ARFRP1: variants seen among roughly 807,000 people sequenced by gnomAD.
ARFRP1 encodes the protein ARF related protein 1, also known as ADP-ribosylation factor-related protein 1.
In ARFRP1, 19 loss-of-function variants were observed where a neutral mutation model predicts 30.3. That is an observed-to-expected ratio of 0.63 (90% CI 0.44 to 0.92). The LOEUF is 0.92. ARFRP1 is among the 40% of genes least tolerant of loss of function. The pLI is 0.00. For synonymous variants in ARFRP1, 133 were observed against 114.2 expected, an observed-to-expected ratio of 1.16 and a Z score of -1.05; for missense variants, 245 against 267.5, an observed-to-expected ratio of 0.92 and a Z score of 0.59.
chr20:63,706,862 G>C, intron 2 of ARFRP1, 124 bp from the exon 3 acceptor site: 1 of 1,258,078 alleles, frequency 7.9e-7, no homozygotes, highest in Non-Finnish European at 1.2e-6. Flanking sequence ...CTCTTCAGGA[G>C]GCTGGTGGTG....
chr20:63,706,981 A>G lies in ARFRP1; in HGVS notation c.93+18T>C, dbSNP rs1446534346. 1 of 1,612,944 alleles carries G rather than the reference A, an allele frequency of 6.2e-7. No individual in the cohort carries two copies. Among genetic ancestry groups the G allele is most frequent in the Non-Finnish European group, 8.5e-7 (1 of 1,179,606 alleles). Reference sequence around the variant, plus strand: ...GCCAGGCCGTGGGAAAGGTGCGCGCAAGGGCGTGGGCACTCACCGTCTTCC... The same window carrying G: ...GCCAGGCCGTGGGAAAGGTGCGCGCGAGGGCGTGGGCACTCACCGTCTTCC... On this transcript the variant is annotated intron_variant, in intron 2 of 7. Transcript: ENST00000622789.
In ARFRP1 at chr20:63,700,286, C is replaced by T; in HGVS notation, c.*157G>A. The stretch of plus-strand genomic sequence containing the variant: ...AAGCCTCCGGATGCCTACGCTTTTC[C>T]AGACATAGAGGAAAGTTTGTCTTCG... On this transcript the variant is annotated 3_prime_UTR_variant, in exon 8 of 8. Coordinates refer to ENST00000622789, the MANE Select transcript of ARFRP1 (RefSeq NM_001267547.3). 5 of 1,162,986 alleles carry T rather than the reference C, an allele frequency of 4.3e-6. No homozygotes were observed. Among genetic ancestry groups the T allele is most frequent in the Non-Finnish European group, 6.0e-6 (5 of 837,552 alleles). 72.0% of individuals were successfully genotyped at this position (1,162,986 alleles called of 1,614,324 possible). A position where few individuals can be genotyped will look rare whatever the true frequency, so the allele number is the denominator to read the frequency against.
intron 4 of ARFRP1, chr20:63,705,485 G>A (rs547081863): frequency 2.6e-4 from 107 of 417,218 alleles, no homozygotes; most frequent in African/African-American, 2.2e-3. Context: ...GAGATAAACT[G>A]CAGCCTTGGG....
intron 5 of ARFRP1, 98 bp from the exon 6 acceptor site, chr20:63,701,998 G>GGGGGGGGCCCCCCCCCCCCCCCCCC: frequency 1.7e-6 from 1 of 583,914 alleles, no homozygotes; most frequent in Non-Finnish European, 2.6e-6. Context: ...CACTCCCTCT[G>GGGGGGGGCCCCCCCCCCCCCCCCCC]CCCCCCCCCC....
chr20:63,698,657 C>CTTA lies in ARFRP1; in HGVS notation c.*1783_*1785dup, dbSNP rs777789732. 4.5e-6 allele frequency: 6 copies of CTTA among 1,319,344 alleles called. No homozygotes were observed. The highest frequency in any genetic ancestry group is 5.9e-6 in the Non-Finnish European group (6 of 1,015,506). The allele number at this position is 1,319,344 out of a possible 1,614,324, so 81.7% of individuals were successfully genotyped here. ...ATAGAAGAAATGAGGTTTCTTAAAG[C>CTTA]TTATTTTTATAAAGCTTTTTCATAA... On this transcript the variant is annotated 3_prime_UTR_variant, in exon 8 of 8. Coordinates refer to ENST00000622789, the MANE Select transcript of ARFRP1 (RefSeq NM_001267547.3).
At position 63,699,967 on chromosome 20, in the gene ARFRP1, C is replaced by T; in HGVS notation, c.*476G>A. 5.0e-6 allele frequency: 1 copy of T among 200,872 alleles called. No individual in the cohort carries two copies. The highest frequency in any genetic ancestry group is 1.0e-5 in the Non-Finnish European group (1 of 96,644). The allele number at this position is 200,872 out of a possible 1,614,324, so 12.4% of individuals were successfully genotyped here. ...GCCTGGGTCTTCCTCAAGGCAAGAT[C>T]AGCCCCAGACCACTTCCGGGGTCAC... is the stretch of plus-strand genomic sequence containing the variant. On this transcript the variant is annotated 3_prime_UTR_variant, in exon 8 of 8. Transcript: ENST00000622789.
In ARFRP1 at chr20:63,700,232, G is replaced by T; in HGVS notation, c.*211C>A. 1.4e-6 allele frequency: 1 copy of T among 695,194 alleles called. No individual in the cohort carries two copies. The highest frequency in any genetic ancestry group is 2.3e-6 in the Non-Finnish European group (1 of 428,718). 43.1% of individuals were successfully genotyped at this position (695,194 alleles called of 1,614,324 possible). A position where few individuals can be genotyped will look rare whatever the true frequency, so the allele number is the denominator to read the frequency against. ...GGAAAGGCTGCCGCTGCAGGGCCTG[G>T]GCCAGCCGGGCTGCCAGACTCCCCT... is the stretch of plus-strand genomic sequence containing the variant. On this transcript the variant is annotated 3_prime_UTR_variant, in exon 8 of 8. Transcript: ENST00000622789.
At chr20:63,706,541 A>AGTCTC in intron 3 of ARFRP1, 102 bp from the exon 4 acceptor site, 1 of 1,524,958 alleles carries the variant, frequency 6.6e-7, no homozygotes, top group Non-Finnish European at 9.1e-7. Flanking sequence ...GTGCCACTCA[A>AGTCTC]ATGAGACTTG....
At chr20:63,702,350 C>T in intron 4 of ARFRP1, 133 bp from the exon 5 acceptor site, 1 of 807,952 alleles carries the variant, frequency 1.2e-6, no homozygotes, top group South Asian at 1.7e-5. Context: ...ACTGCAAGAC[C>T]CTTCTGGGAT....
chr20:63,700,531 C>T lies in ARFRP1; in HGVS notation c.519-1G>A. ...CTCGATGCCCTCGCGCACCCCTTTG[C>T]TGTGAAGACAGCGGGTGTGAGGCGG... On this transcript the variant is annotated splice_acceptor_variant, in intron 7 of 7. Transcript: ENST00000622789. LOFTEE classifies it high-confidence loss of function. 1 of 1,610,922 alleles carries T rather than the reference C, an allele frequency of 6.2e-7. No homozygotes were observed. Among genetic ancestry groups the T allele is most frequent in the South Asian group, 1.1e-5 (1 of 91,018 alleles).
Position 63,701,630 on chromosome 20 carries a change from A to C in ARFRP1, c.417+200T>G, listed in dbSNP as rs552019761. ...CTGGGCGCCTGCCCTGAGGTGGGAG[A>C]ACCTCCAGGGCTGGCAGCAGCAGGT... On this transcript the variant is annotated intron_variant, in intron 6 of 7. Transcript: ENST00000622789. 32 of 603,788 alleles carry C rather than the reference A, an allele frequency of 5.3e-5. No individual in the cohort carries two copies. The East Asian group carries it at 8.8e-4, about 17-fold the overall frequency. The allele number at this position is 603,788 out of a possible 1,614,324, so 37.4% of individuals were successfully genotyped here.
chr20:63,703,068 C>A (rs935183052), intron 4 of ARFRP1: 4 of 152,298 alleles, frequency 2.6e-5, no homozygotes, highest in Non-Finnish European at 5.9e-5. Context: ...AAAAACACAG[C>A]AAACTCCGCG....
chr20:63,700,222 G>A lies in ARFRP1; in HGVS notation c.*221C>T, dbSNP rs1050389257. On this transcript the variant is annotated 3_prime_UTR_variant, in exon 8 of 8. Transcript: ENST00000622789. ...TGCGCCCTGTGGAAAGGCTGCCGCT[G>A]CAGGGCCTGGGCCAGCCGGGCTGCC... 5.8e-5 allele frequency: 37 copies of A among 638,246 alleles called. No individual in the cohort carries two copies. The highest frequency in any genetic ancestry group is 9.5e-5 in the Non-Finnish European group (36 of 380,856). 39.5% of individuals were successfully genotyped at this position (638,246 alleles called of 1,614,324 possible). A position where few individuals can be genotyped will look rare whatever the true frequency, so the allele number is the denominator to read the frequency against.
chr20:63,700,730 GC>G lies in ARFRP1; in HGVS notation c.418-29del. 2.5e-6 allele frequency: 4 copies of G among 1,605,356 alleles called. 1 individual carries two copies. The South Asian group carries it at 3.3e-5, about 13-fold the overall frequency. On this transcript the variant is annotated intron_variant, in intron 6 of 7. Coordinates refer to ENST00000622789, the MANE Select transcript of ARFRP1 (RefSeq NM_001267547.3). The stretch of plus-strand genomic sequence containing the variant: ...GGGGGAGGTAAGGCCGTGAGGAGCA[GC>G]CCCCACGTCTGGCCCTGTCCTGCCT...
chr20:63,698,656 G>T lies in ARFRP1; in HGVS notation c.*1787C>A. 1 of 1,322,816 alleles carries T rather than the reference G, an allele frequency of 7.6e-7. No homozygotes were observed. The highest frequency in any genetic ancestry group is 9.8e-7 in the Non-Finnish European group (1 of 1,018,192). The allele number at this position is 1,322,816 out of a possible 1,614,324, so 81.9% of individuals were successfully genotyped here. A position where few individuals can be genotyped will look rare whatever the true frequency, so the allele number is the denominator to read the frequency against. The stretch of plus-strand genomic sequence containing the variant: ...AATAGAAGAAATGAGGTTTCTTAAA[G>T]CTTATTTTTATAAAGCTTTTTCATA... On this transcript the variant is annotated 3_prime_UTR_variant, in exon 8 of 8. Transcript: ENST00000622789.
Position 63,702,121 on chromosome 20 carries a change from C to T in ARFRP1, c.346+15G>A. 6.2e-7 allele frequency: 1 copy of T among 1,609,476 alleles called. No individual in the cohort carries two copies. The highest frequency in any genetic ancestry group is 8.5e-7 in the Non-Finnish European group (1 of 1,178,920). ...TCACCATCCATCCCTCCCAGAGCAG[C>T]CAGGCCGCACTCACCAAACGCCTGC... On this transcript the variant is annotated intron_variant, in intron 5 of 7. Transcript: ENST00000622789.
Position 63,702,239 on chromosome 20 carries a change from T to C in ARFRP1, c.265-22A>G, listed in dbSNP as rs761481153. 2.1e-5 allele frequency: 33 copies of C among 1,604,046 alleles called. No individual in the cohort carries two copies. In the South Asian group the frequency reaches 3.6e-4, roughly 18 times the overall value. ...AATACTGGGAGGAAGCACCAGGAGT[T>C]GGGGCTCAGTCCCCACCCTGCCAAG... is the stretch of plus-strand genomic sequence containing the variant. On this transcript the variant is annotated intron_variant, in intron 4 of 7. Transcript: ENST00000622789.
chr20:63,701,796 G>A, intron 6 of ARFRP1, 34 bp downstream of exon 6: 2 of 1,546,870 alleles, frequency 1.3e-6, no homozygotes. Flanking sequence ...TGGGGACTCG[G>A]GAAGCTGCTG....
intron 2 of ARFRP1, 89 bp downstream of exon 2, chr20:63,706,910 T>A (rs1432011119): frequency 1.3e-6 from 2 of 1,503,150 alleles, no homozygotes; most frequent in African/African-American, 1.4e-5. Context: ...GGCTTCCGTC[T>A]GGGTAGTGAA....
Sources: allele counts gnomAD v4.1 joint callset, GRCh38; gene constraint gnomAD v4.1.1; transcripts MANE v1.5; gene names NCBI Gene and HGNC (gene_info 2026-07-23, HGNC 2026-07-21).